The following PTPRG variants were observed in gnomAD, a reference collection of about 807,000 sequenced individuals.
PTPRG encodes the protein receptor-type tyrosine-protein phosphatase gamma.
Under a neutral mutation model 165.3 loss-of-function variants are expected in PTPRG, and 102 were observed. The ratio of observed to expected loss-of-function variants is 0.62; its 90% CI spans 0.53 to 0.73. PTPRG has a LOEUF of 0.73. Ranked by LOEUF, PTPRG falls within the 30% of genes least tolerant of loss-of-function variation. PTPRG has a pLI of 0.00. For synonymous variants in PTPRG, 675 were observed against 669.5 expected, an observed-to-expected ratio of 1.01 and a Z score of -0.13; for missense variants, 1,866 against 1,861.4, an observed-to-expected ratio of 1.00 and a Z score of -0.05.
rs539053314 is a variant in PTPRG at position 61,643,405 on chromosome 3, C to A, written c.85+81033C>A. ...AAATCTGGGCATTTGGAGATTTGAA[C>A]CCTGATTGGAAATGGGGCAAAATTA... On this transcript the variant is annotated intron_variant, in intron 1 of 29. Transcript: ENST00000474889. Among the ~76,000 whole-genome samples, 72 of 152,214 alleles carry A rather than the reference C, an allele frequency of 4.7e-4. 5 individuals are homozygous for A. The South Asian group carries it at 0.015, about 32-fold the overall frequency.
At chr3:61,994,324 A>ATTATTTTATT (rs1212857673) in intron 3 of PTPRG, among the ~76,000 whole-genome samples, 1 of 152,030 alleles carries the variant, frequency 6.6e-6, no homozygotes, top group African/African-American at 2.4e-5. Context: ...TTTTTATTTT[A>ATTATTTTATT]TTTTTTTAAA....
chr3:61,853,736 G>A (rs2037028923), intron 2 of PTPRG, among the ~76,000 whole-genome samples: 1 of 152,196 alleles, frequency 6.6e-6, no homozygotes, highest in Admixed American at 6.5e-5. Flanking sequence ...CTAAGATGCA[G>A]AGTGCTAGGA....
chr3:61,961,891 T>C (rs1305294924), intron 2 of PTPRG, among the ~76,000 whole-genome samples: 1 of 152,218 alleles, frequency 6.6e-6, no homozygotes, highest in Non-Finnish European at 1.5e-5. Context: ...GTGATGCGCA[T>C]GTGGCTAGAG....
Position 62,210,887 on chromosome 3 carries a change from T to C in PTPRG, c.2155+6937T>C, listed in dbSNP as rs1700343265. Among the ~76,000 whole-genome samples, 1 of 152,220 alleles carries C rather than the reference T, an allele frequency of 6.6e-6. No individual in the cohort carries two copies. Among genetic ancestry groups the C allele is most frequent in the Non-Finnish European group, 1.5e-5 (1 of 68,040 alleles). Reference sequence around the variant, plus strand: ...TAACTATTTATGTTATTGGTGAGGCTTCCGGTCATCAGTAGGCTATTAGCA... The same window carrying C: ...TAACTATTTATGTTATTGGTGAGGCCTCCGGTCATCAGTAGGCTATTAGCA... On this transcript the variant is annotated intron_variant, in intron 12 of 29. Coordinates refer to ENST00000474889, the MANE Select transcript of PTPRG (RefSeq NM_002841.4). This position sits in a 1 kb window ranked among gnomAD's most constrained non-coding sequence, Gnocchi z 4.1.
At chr3:62,116,995 C>T (rs1702890579) in intron 5 of PTPRG, among the ~76,000 whole-genome samples, 2 of 152,170 alleles carry the variant, frequency 1.3e-5, no homozygotes, top group South Asian at 4.1e-4. Context: ...ATTTATATGT[C>T]ACCATATCTA....
intron 5 of PTPRG, among the ~76,000 whole-genome samples, chr3:62,122,088 T>C (rs567724699): frequency 5.8e-4 from 89 of 152,320 alleles, no homozygotes; most frequent in African/African-American, 2.1e-3. Context: ...ATTTCCCTAA[T>C]TTGTGGATTT....
chr3:61,786,598 T>A (rs1363931880), intron 2 of PTPRG, among the ~76,000 whole-genome samples: 1 of 152,202 alleles, frequency 6.6e-6, no homozygotes, highest in Non-Finnish European at 1.5e-5. Flanking sequence ...ACCCCCAGAC[T>A]GGGTATGTAT....
chr3:61,754,466 C>G (rs1031291594), intron 2 of PTPRG, among the ~76,000 whole-genome samples: 1 of 152,074 alleles, frequency 6.6e-6, no homozygotes, highest in African/African-American at 2.4e-5. Flanking sequence ...GTCTCATTTC[C>G]CCGGCTAAGT....
rs541425755 is a variant in PTPRG at position 62,213,406 on chromosome 3, G to A, written c.2156-5445G>A. On this transcript the variant is annotated intron_variant, in intron 12 of 29. Coordinates refer to ENST00000474889, the MANE Select transcript of PTPRG (RefSeq NM_002841.4). This position sits in a 1 kb window ranked among gnomAD's most constrained non-coding sequence, Gnocchi z 4.4. The stretch of plus-strand genomic sequence containing the variant: ...TTCTCAAAACTCTTTTATAACTTTC[G>A]AATGGGCCCCATGATTTCATTTTGC... Among the ~76,000 whole-genome samples the A allele has an allele frequency of 4.9e-4, 74 of 152,108 alleles. No homozygotes were observed. Among genetic ancestry groups the A allele is most frequent in the African/African-American group, 1.2e-3 (50 of 41,476 alleles).
intron 1 of PTPRG, among the ~76,000 whole-genome samples, chr3:61,600,190 ATATGTG>A (rs1443262161): frequency 1.7e-5 from 2 of 118,582 alleles, no homozygotes; most frequent in African/African-American, 3.0e-5. Context: ...ATATATATAT[ATATGTG>A]TGTGTGTGTG....
chr3:61,757,161 A>G (rs2033659756), intron 2 of PTPRG, among the ~76,000 whole-genome samples: 1 of 152,170 alleles, frequency 6.6e-6, no homozygotes, highest in Admixed American at 6.5e-5. Context: ...TATGGGTAAT[A>G]TGGTCCCATT....
intron 26 of PTPRG, 27 bp downstream of exon 26, chr3:62,277,706 T>TA: frequency 6.2e-7 from 1 of 1,610,124 alleles, no homozygotes; most frequent in Non-Finnish European, 8.5e-7. Context: ...TGCTATATAT[T>TA]AATGAGCCCA....
chr3:61,818,499 A>G (rs922132457), intron 2 of PTPRG, among the ~76,000 whole-genome samples: 10 of 152,142 alleles, frequency 6.6e-5, no homozygotes, highest in African/African-American at 1.9e-4. Context: ...TATAAAATGT[A>G]TAATGAAAAA....
At chr3:62,275,827 T>C in intron 23 of PTPRG, 46 bp from the exon 24 acceptor site, 2 of 1,408,152 alleles carry the variant, frequency 1.4e-6, no homozygotes, top group Non-Finnish European at 2.0e-6. Flanking sequence ...GCAAATGCTA[T>C]CAATTATATC....
At chr3:62,061,325 G>C (rs1158097820) in intron 4 of PTPRG, among the ~76,000 whole-genome samples, 1 of 152,136 alleles carries the variant, frequency 6.6e-6, no homozygotes, top group African/African-American at 2.4e-5. Context: ...CTGTATTTAA[G>C]GTATCGTATC....
At chr3:61,949,180 A>T (rs1369767594) in intron 2 of PTPRG, among the ~76,000 whole-genome samples, 1 of 152,164 alleles carries the variant, frequency 6.6e-6, no homozygotes, top group Non-Finnish European at 1.5e-5. Context: ...AAACAACTCA[A>T]AAAAACCAAA....
rs139370402 is a variant in PTPRG, at chr3:61,743,046, G to A, written c.86-5832G>A. ...CCAGGAACTTGCGGCGCTTGCGCTG[G>A]TTCCGGTGCAGGACTTCCCGCACCG... On this transcript the variant is annotated intron_variant, in intron 1 of 29. Coordinates refer to ENST00000474889, the MANE Select transcript of PTPRG (RefSeq NM_002841.4). 1.3e-5 allele frequency: 20 copies of A among 1,597,128 alleles called. No individual in the cohort carries two copies. The African/African-American group carries it at 1.3e-4, about 11-fold the overall frequency.
intron 17 of PTPRG, among the ~76,000 whole-genome samples, chr3:62,266,705 A>C (rs1335603876): frequency 6.6e-6 from 1 of 151,508 alleles, no homozygotes; most frequent in Admixed American, 6.6e-5. Flanking sequence ...CTATAAACAG[A>C]AACATAAATT....
At chr3:61,923,692 A>ATTTTTTTTTTTTTT (rs71123241) in intron 2 of PTPRG, among the ~76,000 whole-genome samples, 1 of 100,876 alleles carries the variant, frequency 9.9e-6, no homozygotes, top group Non-Finnish European at 1.9e-5. Context: ...TATTTTTTGT[A>ATTTTTTTTTTTTTT]TTTTTTTTTT....
Sources: allele counts gnomAD v4.1 joint callset (sites outside exome capture counted in the v4.1 genomes callset), GRCh38; gene constraint gnomAD v4.1.1; non-coding constraint Gnocchi (gnomAD v3.1); transcripts MANE v1.5; gene names NCBI Gene and HGNC (gene_info 2026-07-23, HGNC 2026-07-21).